SLC25A21: variants seen among roughly 807,000 people sequenced by gnomAD.
SLC25A21 encodes the protein solute carrier family 25 member 21.
A neutral mutation model predicts 43.8 loss-of-function variants in SLC25A21; 47 were observed. The observed-to-expected ratio is 1.07, with a 90% confidence interval of 0.85 to 1.37. The LOEUF (loss-of-function observed/expected upper bound fraction) is 1.37, where lower values mean the gene tolerates loss of function less well. SLC25A21 is among the 40% of genes most tolerant of loss of function. SLC25A21 has a pLI of 0.00. For synonymous variants in SLC25A21, 131 were observed against 121.3 expected, an observed-to-expected ratio of 1.08 and a Z score of -0.52; for missense variants, 352 against 350.2, an observed-to-expected ratio of 1.00 and a Z score of -0.04.
At chr14:36,941,916 A>T (rs1261792250) in intron 1 of SLC25A21, among the ~76,000 whole-genome samples, 1 of 152,102 alleles carries the variant, frequency 6.6e-6, no homozygotes, top group Non-Finnish European at 1.5e-5. Context: ...ACATGTAATT[A>T]GATGAAGCAA....
chr14:37,169,963 T>C (rs1964094034), intron 1 of SLC25A21, among the ~76,000 whole-genome samples: 1 of 152,170 alleles, frequency 6.6e-6, no homozygotes, highest in Non-Finnish European at 1.5e-5. Flanking sequence ...TTTATAAGAA[T>C]ATATGATGGA....
At chr14:36,817,098 C>A (rs1364108940) in intron 2 of SLC25A21, among the ~76,000 whole-genome samples, 1 of 152,032 alleles carries the variant, frequency 6.6e-6, no homozygotes, top group Non-Finnish European at 1.5e-5. Flanking sequence ...TTTCTAGATG[C>A]ATTTTCCCAA....
intron 1 of SLC25A21, among the ~76,000 whole-genome samples, chr14:37,032,343 G>A (rs1961232339): frequency 6.6e-6 from 1 of 152,046 alleles, no homozygotes; most frequent in Non-Finnish European, 1.5e-5. Context: ...AGACCATCCT[G>A]GCTAACACGG....
chr14:36,707,770 CA>C (rs2051933091), intron 7 of SLC25A21, among the ~76,000 whole-genome samples: 1 of 152,224 alleles, frequency 6.6e-6, no homozygotes, highest in Admixed American at 6.5e-5. Context: ...TAGCATTCTT[CA>C]GTGGTGCAAC....
intron 1 of SLC25A21, among the ~76,000 whole-genome samples, chr14:36,978,826 A>T (rs1428011338): frequency 6.6e-6 from 1 of 152,176 alleles, no homozygotes; most frequent in Non-Finnish European, 1.5e-5. Context: ...ACCGACTCTA[A>T]ATCAGGCACA....
chr14:36,976,280 A>T (rs1409490090), intron 1 of SLC25A21, among the ~76,000 whole-genome samples: 2 of 152,122 alleles, frequency 1.3e-5, no homozygotes, highest in Non-Finnish European at 2.9e-5. Context: ...TCATGCATAC[A>T]CGTTATAGGA....
chr14:36,836,173 G>A (rs568356378), intron 2 of SLC25A21, among the ~76,000 whole-genome samples: 4 of 152,312 alleles, frequency 2.6e-5, no homozygotes, highest in African/African-American at 9.6e-5. Flanking sequence ...AAACGGGAGT[G>A]CTCTTAAAAA....
At chr14:37,047,495 A>C (rs1457129412) in intron 1 of SLC25A21, among the ~76,000 whole-genome samples, 1 of 152,208 alleles carries the variant, frequency 6.6e-6, no homozygotes, top group Admixed American at 6.5e-5. Flanking sequence ...AAGAGGCAAA[A>C]GCAGGAGGTT....
chr14:36,821,264 A>G (rs924936357), intron 2 of SLC25A21, among the ~76,000 whole-genome samples: 1 of 152,098 alleles, frequency 6.6e-6, no homozygotes, highest in Non-Finnish European at 1.5e-5. Flanking sequence ...TTCTTACAGG[A>G]GATAACCACT....
At chr14:36,853,289 T>C (rs558574421) in intron 2 of SLC25A21, among the ~76,000 whole-genome samples, 4 of 150,654 alleles carry the variant, frequency 2.7e-5, no homozygotes, top group South Asian at 4.2e-4. Flanking sequence ...CAGTGAATGC[T>C]GTACTTAAGT....
At chr14:36,850,908 G>A (rs189250373) in intron 2 of SLC25A21, among the ~76,000 whole-genome samples, 194 of 152,216 alleles carry the variant, frequency 1.3e-3, no homozygotes, top group African/African-American at 4.2e-3. Context: ...CAGGGACCAC[G>A]GCTGGCAACA....
intron 1 of SLC25A21, among the ~76,000 whole-genome samples, chr14:36,895,309 T>C (rs908031750): frequency 2.0e-5 from 3 of 152,236 alleles, no homozygotes; most frequent in African/African-American, 7.2e-5. Context: ...TTCTTCTACA[T>C]TTTCTAGTTT....
At chr14:36,692,846 C>T (rs546819016) in intron 7 of SLC25A21, among the ~76,000 whole-genome samples, 2 of 152,302 alleles carry the variant, frequency 1.3e-5, no homozygotes, top group Admixed American at 1.3e-4. Context: ...TCATGTCAGC[C>T]CAAATCACAT....
chr14:36,925,596 C>T (rs1379300816), intron 1 of SLC25A21, among the ~76,000 whole-genome samples: 1 of 152,178 alleles, frequency 6.6e-6, no homozygotes, highest in African/African-American at 2.4e-5. Context: ...CCTGTAATCC[C>T]AGCAGTTTGG....
intron 1 of SLC25A21, among the ~76,000 whole-genome samples, chr14:37,019,024 T>C (rs1485886838): frequency 6.6e-6 from 1 of 152,034 alleles, no homozygotes; most frequent in African/African-American, 2.4e-5. Flanking sequence ...ATCCTTGTGG[T>C]TTCCCTGATA....
intron 1 of SLC25A21, among the ~76,000 whole-genome samples, chr14:37,000,409 C>T (rs987534750): frequency 6.6e-6 from 1 of 152,112 alleles, no homozygotes; most frequent in African/African-American, 2.4e-5. Flanking sequence ...TGCTCAAAAC[C>T]CTCCAATGGC....
intron 1 of SLC25A21, among the ~76,000 whole-genome samples, chr14:37,136,783 T>A (rs1963487967): frequency 6.6e-6 from 1 of 152,138 alleles, no homozygotes; most frequent in South Asian, 2.1e-4. Flanking sequence ...TGTATATTGC[T>A]TGGTGAAAGA....
intron 3 of SLC25A21, among the ~76,000 whole-genome samples, chr14:36,735,850 A>G (rs1885012855): frequency 6.7e-6 from 1 of 148,376 alleles, no homozygotes; most frequent in Non-Finnish European, 1.5e-5. Flanking sequence ...CAGGACACAA[A>G]TATTTGTTAA....
At chr14:36,719,049 A>C (rs1884270269) in intron 6 of SLC25A21, among the ~76,000 whole-genome samples, 1 of 152,236 alleles carries the variant, frequency 6.6e-6, no homozygotes, top group African/African-American at 2.4e-5. Flanking sequence ...ATAGACCTCA[A>C]GGGAAGGAAA....
Sources: allele counts gnomAD v4.1 joint callset (sites outside exome capture counted in the v4.1 genomes callset), GRCh38; gene constraint gnomAD v4.1.1; transcripts MANE v1.5; gene names NCBI Gene and HGNC (gene_info 2026-07-23, HGNC 2026-07-21).